GABPB2: variants seen among roughly 807,000 people sequenced by gnomAD.
GABPB2 encodes GA binding protein transcription factor subunit beta 2, also known as GA-binding protein subunit beta-2.
Under a neutral mutation model 39.1 loss-of-function variants are expected in GABPB2, and 23 were observed. The ratio of observed to expected loss-of-function variants is 0.59; its 90% confidence interval spans 0.42 to 0.83. The LOEUF is 0.83. GABPB2 is among the 40% of genes least tolerant of loss of function. GABPB2 has a pLI of 0.00. For missense variants in GABPB2, 467 were observed against 541.1 expected (o/e 0.86, Z 1.36); for synonymous variants, 184 against 199.3 (o/e 0.92, Z 0.65).
At chr1:151,073,505 G>T (rs587658380) in intron 1 of GABPB2, among the ~76,000 whole-genome samples, 1 of 152,260 alleles carries the variant, frequency 6.6e-6, no homozygotes, top group South Asian at 2.1e-4. Flanking sequence ...TTGACCACCT[G>T]CCAGAACCAG....
At chr1:151,100,076 A>T (rs1156616178) in intron 5 of GABPB2, among the ~76,000 whole-genome samples, 1 of 152,114 alleles carries the variant, frequency 6.6e-6, no homozygotes, top group Non-Finnish European at 1.5e-5. Flanking sequence ...AAATTTATAT[A>T]TACATGTAAT....
intron 3 of GABPB2, 119 bp from the exon 4 acceptor site, chr1:151,093,073 A>G: frequency 1.4e-6 from 1 of 738,244 alleles, no homozygotes; most frequent in Non-Finnish European, 2.1e-6. Context: ...GATATTCCTT[A>G]AATGTGATCT....
chr1:151,104,049 T>C (rs1042569174), intron 6 of GABPB2, among the ~76,000 whole-genome samples: 2 of 152,210 alleles, frequency 1.3e-5, no homozygotes, highest in African/African-American at 4.8e-5. Context: ...AGATATCTTA[T>C]ATTAAAGTAT....
At chr1:151,110,005 ATTTTT>A (rs71577269) in intron 7 of GABPB2, among the ~76,000 whole-genome samples, 201 of 60,540 alleles carry the variant, frequency 3.3e-3, no homozygotes, top group African/African-American at 8.5e-3. Flanking sequence ...TGCCCAGCTA[ATTTTT>A]TTTTTTTTTT....
rs1266394978 is a variant in GABPB2 at position 151,118,256 on chromosome 1, A to G, written c.1347A>G (p.Ter449=). The G allele has an allele frequency of 1.2e-6, 2 of 1,610,842 alleles. No individual in the cohort carries two copies. Among genetic ancestry groups the G allele is most frequent in the Non-Finnish European group, 8.5e-7 (1 of 1,177,760 alleles). Residue 449 remains the stop codon, a stop_retained_variant, in exon 9 of 9, where the codon TAA becomes TAG. Transcript: ENST00000368918. ...TRVSMATVSS[*] ...TTTCCATGGCAACTGTTTCATCTTA[A>G]TATGCAAGGGCCACAATTTGCACTG...
chr1:151,074,590 AT>A (rs1677012584), intron 1 of GABPB2, among the ~76,000 whole-genome samples: 1 of 151,050 alleles, frequency 6.6e-6, no homozygotes, highest in South Asian at 2.1e-4. Context: ...AAGTGCTGGG[AT>A]TACAGGCGTG....
intron 1 of GABPB2, among the ~76,000 whole-genome samples, chr1:151,076,163 A>G (rs145861652): frequency 6.6e-6 from 1 of 152,328 alleles, no homozygotes; most frequent in African/African-American, 2.4e-5. Context: ...CCTCAACAGT[A>G]AAGCAAAATA....
At chr1:151,091,061 G>A (rs1010736107) in intron 3 of GABPB2, among the ~76,000 whole-genome samples, 1 of 151,874 alleles carries the variant, frequency 6.6e-6, no homozygotes, top group African/African-American at 2.4e-5. Flanking sequence ...TGGCTATGAG[G>A]AGTCTGTTTT....
intron 6 of GABPB2, among the ~76,000 whole-genome samples, chr1:151,106,107 G>A (rs949303234): frequency 5.3e-5 from 8 of 150,846 alleles, no homozygotes; most frequent in Non-Finnish European, 8.9e-5. Flanking sequence ...GATTACAGGC[G>A]CCCACCAACA....
At chr1:151,113,338 G>A (rs139144770) in intron 7 of GABPB2, among the ~76,000 whole-genome samples, 7,276 of 151,924 alleles carry the variant, frequency 0.048, 291 homozygotes, top group African/African-American at 0.1. Flanking sequence ...GCCTGGTGGC[G>A]TGCACCTGTA....
chr1:151,075,312 C>T (rs1677070425), intron 1 of GABPB2, among the ~76,000 whole-genome samples: 1 of 151,954 alleles, frequency 6.6e-6, no homozygotes, highest in Non-Finnish European at 1.5e-5. Context: ...TGCCTGTAAT[C>T]CCAGCACTTT....
chr1:151,085,698 C>T (rs185040637), intron 1 of GABPB2, among the ~76,000 whole-genome samples: 8 of 152,218 alleles, frequency 5.3e-5, no homozygotes, highest in African/African-American at 1.4e-4. Context: ...GTGATCTACC[C>T]GCCTGGGCCT....
chr1:151,105,491 GTA>G (rs1212319942), intron 6 of GABPB2, among the ~76,000 whole-genome samples: 3 of 147,860 alleles, frequency 2.0e-5, no homozygotes. Flanking sequence ...AAACATATAT[GTA>G]TATATATATA....
In GABPB2 at chr1:151,125,101, T is replaced by C. The variant is rs895761982; in HGVS notation, c.*6845T>C. ...CCCCTCCTTCCCTACCACATATTTT[T>C]TGTTTATTCTGAGGTGGTTTGTTTC... On this transcript the variant is annotated 3_prime_UTR_variant, in exon 9 of 9. Coordinates refer to ENST00000368918, the MANE Select transcript of GABPB2 (RefSeq NM_144618.3). The C allele has an allele frequency of 6.6e-6, 1 of 152,216 alleles. No homozygotes were observed. The highest frequency in any genetic ancestry group is 2.4e-5 in the African/African-American group (1 of 41,432). The allele number at this position is 152,216 out of a possible 1,614,324, so 9.4% of individuals were successfully genotyped here. A position where few individuals can be genotyped will look rare whatever the true frequency, so the allele number is the denominator to read the frequency against.
intron 5 of GABPB2, 88 bp from the exon 6 acceptor site, chr1:151,103,474 A>G: frequency 1.3e-6 from 1 of 796,536 alleles, no homozygotes; most frequent in Non-Finnish European, 2.1e-6. Flanking sequence ...TAGAAGGAAA[A>G]GCTGAGGTTT....
chr1:151,093,841 T>C (rs184187258), intron 4 of GABPB2, among the ~76,000 whole-genome samples: 4 of 151,974 alleles, frequency 2.6e-5, no homozygotes, highest in African/African-American at 9.6e-5. Flanking sequence ...CCTTGACTTA[T>C]GATAGGGTTA....
At chr1:151,083,628 C>T (rs148223774) in intron 1 of GABPB2, among the ~76,000 whole-genome samples, 1,833 of 149,374 alleles carry the variant, frequency 0.012, 45 homozygotes, top group African/African-American at 0.042. Flanking sequence ...GGCAAGACTC[C>T]GTCTCTATAG....
At chr1:151,097,744 A>G (rs1679200881) in intron 4 of GABPB2, 108 bp from the exon 5 acceptor site, 1 of 1,079,726 alleles carries the variant, frequency 9.3e-7, no homozygotes, top group Non-Finnish European at 1.3e-6. Flanking sequence ...GTGCCACTGC[A>G]CTCCAGCCTG....
rs1447635287 is a variant in GABPB2 at position 151,088,205 on chromosome 1, T to G, written c.16T>G (p.Leu6Val). 3.7e-5 allele frequency: 59 copies of G among 1,613,900 alleles called. No homozygotes were observed. Among genetic ancestry groups the G allele is most frequent in the Admixed American group, 2.2e-4 (13 of 59,970 alleles). MSLVD[L>V]GKRLLEAARK... ...ATGCATAAAGATGTCTTTGGTGGAC[T>G]TGGGAAAGAGGTTGCTAGAAGCAGC... is the stretch of plus-strand genomic sequence containing the variant. The change falls in exon 2 of 9, where the codon TTG (leucine) becomes GTG (valine). Residue 6 changes from leucine (L) to valine (V), a missense_variant. Physicochemically the swap from Leu to Val is conservative, Grantham distance 32. Transcript: ENST00000368918.
Sources: allele counts gnomAD v4.1 joint callset (sites outside exome capture counted in the v4.1 genomes callset), GRCh38; gene constraint gnomAD v4.1.1; transcripts MANE v1.5; gene names NCBI Gene and HGNC (gene_info 2026-07-23, HGNC 2026-07-21).